The following SRBD1 variants were observed in gnomAD, a reference collection of about 807,000 sequenced individuals.
SRBD1 encodes S1 RNA-binding domain-containing protein 1.
SRBD1 carries 88 observed loss-of-function variants against 115.3 expected under a neutral mutation model. The ratio of observed to expected loss-of-function variants is 0.76; its 90% CI spans 0.64 to 0.91. The LOEUF (loss-of-function observed/expected upper bound fraction) is 0.91, where lower values mean the gene tolerates loss of function less well. SRBD1 is among the 40% of genes least tolerant of loss of function. The pLI is 0.00. For synonymous variants in SRBD1, 509 were observed against 407.7 expected (o/e 1.25, Z -2.99); for missense variants, 1,385 against 1,177.4 (o/e 1.18, Z -2.58).
rs185660778 is a variant in SRBD1 at position 45,557,625 on chromosome 2, A to T, written c.1410-3895T>A. 1.1e-3 allele frequency among the ~76,000 whole-genome samples: 165 copies of T among 152,316 alleles called. 1 individual carries two copies. Among genetic ancestry groups the T allele is most frequent in the Admixed American group, 1.9e-3 (29 of 15,300 alleles). On this transcript the variant is annotated intron_variant, in intron 10 of 20. Transcript: ENST00000263736. ...GCTACATTCATTTCCTACATTATAG[A>T]AACTCCTTTTTGCTCCTTACACCAA...
intron 15 of SRBD1, among the ~76,000 whole-genome samples, chr2:45,481,945 C>A (rs761712286): frequency 6.6e-6 from 1 of 151,992 alleles, no homozygotes; most frequent in Non-Finnish European, 1.5e-5. Context: ...TCATGTTTGC[C>A]AGGAGTTTGG....
chr2:45,519,699 TG>T (rs1671223619), intron 14 of SRBD1, among the ~76,000 whole-genome samples: 3 of 152,214 alleles, frequency 2.0e-5, no homozygotes, highest in African/African-American at 7.2e-5. Context: ...TAAAAATTTT[TG>T]TTTATTTTTC....
intron 14 of SRBD1, among the ~76,000 whole-genome samples, chr2:45,536,130 C>A (rs1333391866): frequency 1.3e-5 from 2 of 151,814 alleles, no homozygotes; most frequent in Non-Finnish European, 2.9e-5. Flanking sequence ...CTACTGAGAA[C>A]ACAACAGAAT....
At chr2:45,502,849 T>C (rs1302916608) in intron 14 of SRBD1, among the ~76,000 whole-genome samples, 2 of 151,638 alleles carry the variant, frequency 1.3e-5, no homozygotes, top group East Asian at 1.9e-4. Flanking sequence ...AAAAAAGATA[T>C]CACTCTGTCA....
Position 45,580,008 on chromosome 2 carries a change from A to C in SRBD1, c.939T>G (p.Ala313=). 6.5e-7 allele frequency: 1 copy of C among 1,543,328 alleles called. No homozygotes were observed. The highest frequency in any genetic ancestry group is 8.7e-7 in the Non-Finnish European group (1 of 1,148,782). Residue 313 remains alanine (A), a synonymous_variant, in exon 7 of 21, where the codon GCT becomes GCG. Transcript: ENST00000263736. The stretch of plus-strand genomic sequence containing the variant: ...TCCCTTTGCTTCCAGTTTTATATGG[A>C]GCAGACTAGAAAATAAAGACAGAAA... The part of the protein sequence containing the change: ...KTFEELEHVS[A]PYKTGSKGTK...
chr2:45,585,759 TTC>T lies in SRBD1; in HGVS notation c.662_663del (p.Arg221AsnfsTer2), dbSNP rs1673501120. On this transcript the variant is annotated frameshift_variant, in exon 5 of 21. Coordinates refer to ENST00000263736, the MANE Select transcript of SRBD1 (RefSeq NM_018079.5). LOFTEE classifies it high-confidence loss of function. ...GCACAAACCCAAGGTTCAATATTAG[TTC>T]TCTCAGATAAAACCTGCAAATTAAA... is the stretch of plus-strand genomic sequence containing the variant. ...NWDMVQVLSE[R>X]TNIEPWVCAN... The T allele has an allele frequency of 6.3e-7, 1 of 1,597,616 alleles. No homozygotes were observed. Among genetic ancestry groups the T allele is most frequent in the Non-Finnish European group, 8.5e-7 (1 of 1,176,128 alleles).
At chr2:45,601,865 A>T (rs765925899) in intron 3 of SRBD1, 38 bp downstream of exon 3, 68 of 1,605,778 alleles carry the variant, frequency 4.2e-5, no homozygotes, top group Non-Finnish European at 5.8e-5. Context: ...AATCAGGAAG[A>T]CACTACAGAG....
intron 7 of SRBD1, among the ~76,000 whole-genome samples, chr2:45,574,991 T>C (rs1673134087): frequency 6.6e-6 from 1 of 152,214 alleles, no homozygotes; most frequent in African/African-American, 2.4e-5. Flanking sequence ...ATCCTGGTTC[T>C]ACCATTTGCC....
intron 16 of SRBD1, among the ~76,000 whole-genome samples, chr2:45,451,582 T>C (rs1668997012): frequency 6.6e-6 from 1 of 151,966 alleles, no homozygotes; most frequent in African/African-American, 2.4e-5. Flanking sequence ...CGGCATACAG[T>C]ATCTTCAGAG....
At chr2:45,511,089 G>GC (rs1268221219) in intron 14 of SRBD1, among the ~76,000 whole-genome samples, 1 of 152,192 alleles carries the variant, frequency 6.6e-6, no homozygotes, top group African/African-American at 2.4e-5. Flanking sequence ...CAAGGTCAGT[G>GC]CACCCATCCC....
chr2:45,469,415 A>T (rs1439802427), intron 16 of SRBD1, among the ~76,000 whole-genome samples: 1 of 152,182 alleles, frequency 6.6e-6, no homozygotes, highest in African/African-American at 2.4e-5. Context: ...TGACATACAC[A>T]GAGTAAGCAA....
intron 14 of SRBD1, among the ~76,000 whole-genome samples, chr2:45,541,170 T>A (rs937242154): frequency 1.3e-5 from 2 of 152,112 alleles, no homozygotes; most frequent in African/African-American, 4.8e-5. Context: ...GCAGGGCAGG[T>A]GGTGCCATGC....
intron 1 of SRBD1, among the ~76,000 whole-genome samples, chr2:45,610,622 T>G (rs1465300562): frequency 6.6e-6 from 1 of 152,148 alleles, no homozygotes; most frequent in Admixed American, 6.5e-5. Context: ...CCTAGAGAGT[T>G]CCCAATTCAT....
At chr2:45,535,836 C>A (rs1208324642) in intron 14 of SRBD1, among the ~76,000 whole-genome samples, 1 of 151,944 alleles carries the variant, frequency 6.6e-6, no homozygotes, top group East Asian at 1.9e-4. Context: ...TTTTCTAACT[C>A]TCTTTACCCA....
rs148627346 is a variant in SRBD1, at chr2:45,406,932, A to G, written c.2513+6182T>C. ...CACAAGCCCTGTTACTTTTCTGTGC[A>G]GAATAATACATAGAGTCTTTAGGGT... On this transcript the variant is annotated intron_variant, in intron 19 of 20. Coordinates refer to ENST00000263736, the MANE Select transcript of SRBD1 (RefSeq NM_018079.5). Among the ~76,000 whole-genome samples the G allele has an allele frequency of 1.6e-4, 25 of 152,236 alleles. No individual in the cohort carries two copies. The East Asian group carries it at 2.3e-3, about 14-fold the overall frequency.
chr2:45,488,337 A>T lies in SRBD1; in HGVS notation c.1875-6T>A. 1 of 1,611,374 alleles carries T rather than the reference A, an allele frequency of 6.2e-7. No homozygotes were observed. The highest frequency in any genetic ancestry group is 1.1e-5 in the South Asian group (1 of 90,920). On this transcript the variant is annotated splice_polypyrimidine_tract_variant and splice_region_variant and intron_variant, in intron 14 of 20. Coordinates refer to ENST00000263736, the MANE Select transcript of SRBD1 (RefSeq NM_018079.5). The stretch of plus-strand genomic sequence containing the variant: ...CTCCTGCTTCACTGACGATACTGAG[A>T]AGACAGAAAAAGGGGAATATCACTT...
intron 9 of SRBD1, among the ~76,000 whole-genome samples, chr2:45,565,576 T>C (rs1045241087): frequency 3.9e-5 from 6 of 152,214 alleles, no homozygotes; most frequent in Non-Finnish European, 8.8e-5. Context: ...AAAGCCTTCT[T>C]AGATATAACA....
chr2:45,399,647 G>C (rs532876817), intron 19 of SRBD1, among the ~76,000 whole-genome samples: 1 of 152,162 alleles, frequency 6.6e-6, no homozygotes, highest in East Asian at 1.9e-4. Context: ...CATGCAGACA[G>C]ATTTAGATCT....
intron 6 of SRBD1, 99 bp downstream of exon 6, chr2:45,581,594 T>C: frequency 1.3e-6 from 1 of 791,032 alleles, no homozygotes; most frequent in Non-Finnish European, 2.1e-6. Context: ...TGGTGGCTAA[T>C]GACGTTAGCT....
Sources: allele counts gnomAD v4.1 joint callset (sites outside exome capture counted in the v4.1 genomes callset), GRCh38; gene constraint gnomAD v4.1.1; transcripts MANE v1.5; gene names NCBI Gene and HGNC (gene_info 2026-07-23, HGNC 2026-07-21).